Variants in ZNF610 observed in about 807,000 individuals in gnomAD.
The protein encoded by ZNF610 is zinc finger protein 610.
Under a neutral mutation model 14.1 loss-of-function variants are expected in ZNF610, and 14 were observed. That is an observed-to-expected ratio of 0.99 (90% confidence interval 0.65 to 1.55). ZNF610 has a LOEUF of 1.55. Among genes scored for constraint, ZNF610 ranks in the 40% most tolerant of loss-of-function variants. The pLI is 0.00. For synonymous variants in ZNF610, 185 were observed against 187.6 expected (o/e 0.99, Z 0.11); for missense variants, 530 against 558.0 (o/e 0.95, Z 0.51).
chr19:52,341,247 C>A, intron 1 of ZNF610, among the ~76,000 whole-genome samples: 1 of 152,150 alleles, frequency 6.6e-6, no homozygotes, highest in Non-Finnish European at 1.5e-5. Flanking sequence ...TTATCGCATC[C>A]ACCCATTCCA....
At chr19:52,356,718 A>C (rs928371502) in intron 5 of ZNF610, among the ~76,000 whole-genome samples, 1 of 152,178 alleles carries the variant, frequency 6.6e-6, no homozygotes, top group Non-Finnish European at 1.5e-5. Context: ...AATGTATTAC[A>C]GTGTATAATA....
Position 52,354,380 on chromosome 19 carries a change from G to A in ZNF610, c.319+1G>A. ...GAATGTGTCAGAAGCGTGAACACAG[G>A]TAAGAGCTCTGATGGGCAGTGTGGA... is the stretch of plus-strand genomic sequence containing the variant. On this transcript the variant is annotated splice_donor_variant, in intron 5 of 5. Transcript: ENST00000403906. LOFTEE classifies it high-confidence loss of function. 6.2e-7 allele frequency: 1 copy of A among 1,613,882 alleles called. No individual in the cohort carries two copies. The highest frequency in any genetic ancestry group is 8.5e-7 in the Non-Finnish European group (1 of 1,179,926).
rs1482242656 is a variant in ZNF610, at chr19:52,354,914, C to T, written c.319+535C>T. Among the ~76,000 whole-genome samples the T allele has an allele frequency of 3.6e-4, 54 of 152,086 alleles. 1 individual carries two copies. ...ATTCAAGAGTGTGTGGGAAACTCTCCAAAGGTGGGAGAGTTCTGTGAGAAA... is the reference window on the plus strand; with the variant it reads ...ATTCAAGAGTGTGTGGGAAACTCTCTAAAGGTGGGAGAGTTCTGTGAGAAA... On this transcript the variant is annotated intron_variant, in intron 5 of 5. Transcript: ENST00000403906.
Position 52,336,380 on chromosome 19 carries a change from A to G in ZNF610, c.-384A>G. 4.6e-6 allele frequency: 1 copy of G among 216,098 alleles called. No homozygotes were observed. Among genetic ancestry groups the G allele is most frequent in the Non-Finnish European group, 9.1e-6 (1 of 110,144 alleles). 13.4% of individuals were successfully genotyped at this position (216,098 alleles called of 1,614,324 possible). A position where few individuals can be genotyped will look rare whatever the true frequency, so the allele number is the denominator to read the frequency against. On this transcript the variant is annotated 5_prime_UTR_variant, in exon 1 of 6. Coordinates refer to ENST00000403906, the MANE Select transcript of ZNF610 (RefSeq NM_001161425.2). ...TCTGAGAGTCAACACAGACCTTGAAATCCCCGCACCGCTCCCTCCACCCCG... is the reference window on the plus strand; with the variant it reads ...TCTGAGAGTCAACACAGACCTTGAAGTCCCCGCACCGCTCCCTCCACCCCG...
upstream of ZNF610, chr19:52,336,236 GT>G: frequency 1.2e-5 from 3 of 250,204 alleles, no homozygotes; most frequent in Admixed American, 5.8e-5. Context: ...CGCGCGCGCA[GT>G]TTTTTGCAGA....
Position 52,352,052 on chromosome 19 carries a change from T to G in ZNF610, c.64-1630T>G, listed in dbSNP as rs200333849. Among the ~76,000 whole-genome samples, 4 of 152,284 alleles carry G rather than the reference T, an allele frequency of 2.6e-5. No individual in the cohort carries two copies. In the East Asian group the frequency reaches 7.7e-4, roughly 29 times the overall value. On this transcript the variant is annotated intron_variant, in intron 3 of 5. Coordinates refer to ENST00000403906, the MANE Select transcript of ZNF610 (RefSeq NM_001161425.2). ...TTTTGTCTCCAGGGGGACAGAAAGG[T>G]CTGTGGCTTCGCATTCCTGTGTCTT...
upstream of ZNF610, among the ~76,000 whole-genome samples, chr19:52,332,195 A>G (rs1267348682): frequency 6.6e-6 from 1 of 150,688 alleles, no homozygotes; most frequent in Non-Finnish European, 1.5e-5. This position sits in a 1 kb window ranked among gnomAD's most constrained non-coding sequence, Gnocchi z 4.1. Flanking sequence ...TAATTTGTCT[A>G]TTGAAGAAAC....
At chr19:52,364,422 C>T (rs565932904) in intron 5 of ZNF610, among the ~76,000 whole-genome samples, 1 of 152,008 alleles carries the variant, frequency 6.6e-6, no homozygotes, top group Admixed American at 6.6e-5. Flanking sequence ...CCTTTTATTT[C>T]CTTTTGAAGG....
chr19:52,355,554 C>T (rs888537093), intron 5 of ZNF610, among the ~76,000 whole-genome samples: 1 of 152,252 alleles, frequency 6.6e-6, no homozygotes, highest in Non-Finnish European at 1.5e-5. Context: ...ATTTCTAACA[C>T]TGTCTACCTG....
intron 5 of ZNF610, among the ~76,000 whole-genome samples, chr19:52,362,872 C>A (rs1290553030): frequency 6.6e-6 from 1 of 152,100 alleles, no homozygotes. Flanking sequence ...AATTTGTATT[C>A]TGCTGTTTTT....
At position 52,366,528 on chromosome 19, in the gene ZNF610, C is replaced by T. The variant is rs202112086; in HGVS notation, c.1150C>T (p.Arg384Cys). Residue 384 changes from arginine (R) to cysteine (C), a missense_variant, in exon 6 of 6, where the codon CGT becomes TGT. Arg to Cys is a radical substitution (Grantham distance 180). Transcript: ENST00000403906. ...CNECGRAFHK[R>C]PGLMAHLLIH... ...CGAATGTGGAAGAGCATTTCACAAGCGTCCGGGCCTTATGGCCCATCTTCT... is the reference window on the plus strand; with the variant it reads ...CGAATGTGGAAGAGCATTTCACAAGTGTCCGGGCCTTATGGCCCATCTTCT... 6.8e-4 allele frequency: 1,093 copies of T among 1,613,828 alleles called. No individual in the cohort carries two copies. Among genetic ancestry groups the T allele is most frequent in the Non-Finnish European group, 8.9e-4 (1,050 of 1,179,994 alleles).
At chr19:52,351,373 T>C (rs1985241123) in intron 3 of ZNF610, among the ~76,000 whole-genome samples, 1 of 151,996 alleles carries the variant, frequency 6.6e-6, no homozygotes, top group African/African-American at 2.4e-5. Context: ...GGAGAATCAC[T>C]TGAACCCGGG....
At chr19:52,351,981 C>T (rs1184974216) in intron 3 of ZNF610, among the ~76,000 whole-genome samples, 1 of 152,152 alleles carries the variant, frequency 6.6e-6, no homozygotes, top group African/African-American at 2.4e-5. Context: ...TTGCTAAGGA[C>T]CTTCTGGATT....
intron 1 of ZNF610, among the ~76,000 whole-genome samples, chr19:52,339,984 T>C (rs1410227188): frequency 6.6e-6 from 1 of 152,188 alleles, no homozygotes; most frequent in African/African-American, 2.4e-5. Flanking sequence ...TATCTGCATC[T>C]AAACTGAGGG....
At position 52,366,844 on chromosome 19, in the gene ZNF610, A is replaced by C; in HGVS notation, c.*77A>C. The C allele has an allele frequency of 1.8e-4, 212 of 1,175,960 alleles. No homozygotes were observed. The highest frequency in any genetic ancestry group is 2.3e-4 in the Non-Finnish European group (190 of 833,332). The allele number at this position is 1,175,960 out of a possible 1,614,324, so 72.8% of individuals were successfully genotyped here. ...TCAGGAGAAAAACCTTACAAATATC[A>C]TAAATGTGGCAAAGAATTTAGTTTG... On this transcript the variant is annotated 3_prime_UTR_variant, in exon 6 of 6. Coordinates refer to ENST00000403906, the MANE Select transcript of ZNF610 (RefSeq NM_001161425.2).
intron 5 of ZNF610, 149 bp downstream of exon 5, chr19:52,354,528 T>C (rs1985429954): frequency 1.2e-6 from 1 of 856,592 alleles, no homozygotes; most frequent in Admixed American, 3.0e-5. Flanking sequence ...TCCTCCTGCC[T>C]TGGCCTCCCA....
chr19:52,366,174 G>C lies in ZNF610; in HGVS notation c.796G>C (p.Asp266His), dbSNP rs1375540609. Residue 266 changes from aspartate to histidine, a missense_variant, in exon 6 of 6, where the codon GAC becomes CAC. By Grantham distance (81) the Asp-to-His change is moderately conservative (BLOSUM62 -1). Transcript: ENST00000403906. ...GAAGCCTTACAAATGTAGTGAATGT[G>C]ACAAGGTGTTTAATCGCAATTCAAA... ...GQKPYKCSEC[D>H]KVFNRNSNLA... is the part of the protein sequence containing the mutation. 2 of 1,613,662 alleles carry C rather than the reference G, an allele frequency of 1.2e-6. No homozygotes were observed. Among genetic ancestry groups the C allele is most frequent in the South Asian group, 2.2e-5 (2 of 91,004 alleles).
At chr19:52,332,895 G>A (rs549608215), upstream of ZNF610, among the ~76,000 whole-genome samples, 8 of 152,276 alleles carry the variant, frequency 5.3e-5, no homozygotes, top group African/African-American at 7.2e-5. The surrounding 1 kb of genome is among the most constrained non-coding windows in gnomAD (Gnocchi z 4.1). Flanking sequence ...AACATCAGGC[G>A]CAAAGGCATC....
upstream of ZNF610, among the ~76,000 whole-genome samples, chr19:52,332,459 C>T (rs1984236294): frequency 6.6e-6 from 1 of 152,168 alleles, no homozygotes; most frequent in African/African-American, 2.4e-5. The surrounding 1 kb of genome is among the most constrained non-coding windows in gnomAD (Gnocchi z 4.1). Context: ...CTGCCATTAT[C>T]ATCTTCTTAT....
Sources: gnomAD v4.1 joint callset for allele counts (sites outside exome capture counted in the v4.1 genomes callset) on GRCh38, gnomAD v4.1.1 for gene constraint, Gnocchi (gnomAD v3.1) non-coding constraint, MANE v1.5 for transcripts, NCBI Gene and HGNC (gene_info 2026-07-23, HGNC 2026-07-21) for gene names.